Variants in PRORP observed in about 807,000 individuals in gnomAD.
The protein encoded by PRORP is mitochondrial ribonuclease P catalytic subunit.
A neutral mutation model predicts 59.4 loss-of-function variants in PRORP; 51 were observed. The ratio of observed to expected loss-of-function variants is 0.86; its 90% CI spans 0.69 to 1.08. The LOEUF is 1.08. PRORP is among the 50% of genes least tolerant of loss of function. The pLI is 0.00. For synonymous variants in PRORP, 231 were observed against 245.6 expected (o/e 0.94, Z 0.55); for missense variants, 646 against 690.3 (o/e 0.94, Z 0.72).
intron 5 of PRORP, among the ~76,000 whole-genome samples, chr14:35,187,312 A>T (rs565891109): frequency 6.6e-6 from 1 of 152,270 alleles, no homozygotes; most frequent in South Asian, 2.1e-4. Context: ...CATCCTCACG[A>T]ACACTTGTTA....
In PRORP at chr14:35,123,526, C is replaced by CA; in HGVS notation, c.282dup (p.Gln95ThrfsTer7). ...TTAGCTGGAGCAGCTAAGGAGAGAT[C>CA]ACAGATGAATTCTCAAACTGAAGAT... On this transcript the variant is annotated frameshift_variant, in exon 2 of 8. Transcript: ENST00000534898. LOFTEE classifies it high-confidence loss of function. The CA allele has an allele frequency of 6.2e-7, 1 of 1,614,114 alleles. No individual in the cohort carries two copies. The highest frequency in any genetic ancestry group is 8.5e-7 in the Non-Finnish European group (1 of 1,180,030).
intron 4 of PRORP, among the ~76,000 whole-genome samples, chr14:35,179,501 C>G (rs944560464): frequency 3.9e-5 from 6 of 152,314 alleles, no homozygotes; most frequent in African/African-American, 1.4e-4. Flanking sequence ...TCTTCCATCA[C>G]TGATACCCTT....
chr14:35,187,810 A>G (rs2048776321), intron 5 of PRORP, among the ~76,000 whole-genome samples: 1 of 149,266 alleles, frequency 6.7e-6, no homozygotes, highest in African/African-American at 2.5e-5. Context: ...GGCCATTTGT[A>G]TATCTTCTTT....
At chr14:35,238,938 A>G (rs1003378321) in intron 5 of PRORP, among the ~76,000 whole-genome samples, 1 of 152,192 alleles carries the variant, frequency 6.6e-6, no homozygotes, top group Non-Finnish European at 1.5e-5. Flanking sequence ...GAGTCCTTTC[A>G]TTAATATTAA....
chr14:35,254,733 T>A (rs1027842964), intron 5 of PRORP, among the ~76,000 whole-genome samples: 1 of 152,152 alleles, frequency 6.6e-6, no homozygotes, highest in Admixed American at 6.6e-5. Flanking sequence ...CCCATTGCTT[T>A]CAGGCAGGAA....
At chr14:35,160,800 C>T (rs2048038831) in intron 4 of PRORP, among the ~76,000 whole-genome samples, 1 of 152,160 alleles carries the variant, frequency 6.6e-6, no homozygotes, top group Admixed American at 6.5e-5. Flanking sequence ...AAGACATATG[C>T]ACATTGTAAA....
chr14:35,162,880 A>G (rs555782725), intron 4 of PRORP, among the ~76,000 whole-genome samples: 1 of 152,200 alleles, frequency 6.6e-6, no homozygotes, highest in South Asian at 2.1e-4. Flanking sequence ...TCATTTAACA[A>G]CCCATATTTT....
chr14:35,175,211 A>G (rs1460611752), intron 4 of PRORP, among the ~76,000 whole-genome samples: 1 of 152,076 alleles, frequency 6.6e-6, no homozygotes, highest in Non-Finnish European at 1.5e-5. Flanking sequence ...ATACATGTGC[A>G]TGTGTCTTTA....
chr14:35,176,267 A>G (rs1033747912), intron 4 of PRORP, among the ~76,000 whole-genome samples: 7 of 152,102 alleles, frequency 4.6e-5, no homozygotes, highest in African/African-American at 7.2e-5. Context: ...GTTTTTTCCA[A>G]TTCTGTGAAG....
chr14:35,180,855 T>G, intron 5 of PRORP, 78 bp downstream of exon 5: 1 of 907,876 alleles, frequency 1.1e-6, no homozygotes, highest in Non-Finnish European at 1.7e-6. Context: ...CTTGGGGCTC[T>G]TAGCTCCTCA....
chr14:35,187,434 T>G (rs1030495458), intron 5 of PRORP, among the ~76,000 whole-genome samples: 3 of 150,992 alleles, frequency 2.0e-5, no homozygotes, highest in African/African-American at 7.3e-5. Context: ...CTTTGTTTTT[T>G]TTTTTTTTTT....
intron 5 of PRORP, among the ~76,000 whole-genome samples, chr14:35,255,779 C>A (rs2050735676): frequency 6.6e-6 from 1 of 152,106 alleles, no homozygotes; most frequent in African/African-American, 2.4e-5. Flanking sequence ...GGAGGAAATT[C>A]TCTATGAACA....
chr14:35,238,197 C>T (rs1595362451), intron 5 of PRORP, among the ~76,000 whole-genome samples: 1 of 152,108 alleles, frequency 6.6e-6, no homozygotes, highest in Admixed American at 6.5e-5. Flanking sequence ...TTCCCTGAAT[C>T]GTTAATAAAA....
At chr14:35,209,782 G>A (rs900209659) in intron 5 of PRORP, among the ~76,000 whole-genome samples, 3 of 151,972 alleles carry the variant, frequency 2.0e-5, no homozygotes, top group Non-Finnish European at 2.9e-5. Context: ...GTGATCCACC[G>A]TCCTCGGCCT....
intron 5 of PRORP, among the ~76,000 whole-genome samples, chr14:35,200,971 A>G (rs906985031): frequency 1.1e-4 from 16 of 152,304 alleles, no homozygotes; most frequent in South Asian, 1.0e-3. Flanking sequence ...TCTTGTTCCT[A>G]TGACAGTCAC....
rs564366872 is a variant in PRORP at position 35,158,166 on chromosome 14, A to G, written c.1168-22504A>G. On this transcript the variant is annotated intron_variant, in intron 4 of 7. Transcript: ENST00000534898. Reference sequence around the variant, plus strand: ...CAGCTCCGTCTTCTTCATTTTAGCTACATGCTCCCTTCTTTCTTCTTCCAT... The same window carrying G: ...CAGCTCCGTCTTCTTCATTTTAGCTGCATGCTCCCTTCTTTCTTCTTCCAT... 8 of 278,996 alleles carry G rather than the reference A, an allele frequency of 2.9e-5. No homozygotes were observed. The South Asian group carries it at 5.2e-4, about 18-fold the overall frequency. The allele number at this position is 278,996 out of a possible 1,614,324, so 17.3% of individuals were successfully genotyped here. A position where few individuals can be genotyped will look rare whatever the true frequency, so the allele number is the denominator to read the frequency against.
chr14:35,161,206 A>C (rs1490050555), intron 4 of PRORP, among the ~76,000 whole-genome samples: 1 of 152,174 alleles, frequency 6.6e-6, no homozygotes, highest in African/African-American at 2.4e-5. Context: ...TATTTACCTA[A>C]AGCACATACA....
At chr14:35,122,201 T>C, upstream of PRORP, 1 of 530,038 alleles carries the variant, frequency 1.9e-6, no homozygotes, top group South Asian at 2.2e-5. Context: ...TGGTTCTCCT[T>C]CAGAGGCGAC....
intron 4 of PRORP, chr14:35,158,651 G>T: frequency 2.6e-6 from 1 of 383,080 alleles, no homozygotes; most frequent in East Asian, 7.2e-5. Flanking sequence ...TTGTGATTCT[G>T]CATTTAGGTA....
Sources: allele counts gnomAD v4.1 joint callset (sites outside exome capture counted in the v4.1 genomes callset), GRCh38; gene constraint gnomAD v4.1.1; transcripts MANE v1.5; gene names NCBI Gene and HGNC (gene_info 2026-07-23, HGNC 2026-07-21).